The following EXOC4 variants were observed in gnomAD, a reference collection of about 807,000 sequenced individuals.
EXOC4 encodes exocyst complex component 4.
A neutral mutation model predicts 107.2 loss-of-function variants in EXOC4; 71 were observed. The ratio of observed to expected loss-of-function variants is 0.66; its 90% CI spans 0.55 to 0.81. The LOEUF is 0.81. Ranked by LOEUF, EXOC4 falls within the 30% of genes least tolerant of loss-of-function variation. The pLI is 0.00. For synonymous variants in EXOC4, 456 were observed against 441.2 expected (o/e 1.03, Z -0.42); for missense variants, 1,108 against 1,189.6 (o/e 0.93, Z 1.01).
At chr7:133,285,455 A>G (rs1794253521) in intron 2 of EXOC4, among the ~76,000 whole-genome samples, 1 of 152,210 alleles carries the variant, frequency 6.6e-6, no homozygotes. Flanking sequence ...TCTTCTGGGA[A>G]ATACTTATCT....
At chr7:133,714,007 C>T (rs768471643) in intron 10 of EXOC4, among the ~76,000 whole-genome samples, 38 of 152,124 alleles carry the variant, frequency 2.5e-4, no homozygotes, top group Admixed American at 1.5e-3. Flanking sequence ...AGAAATATGG[C>T]GGGGAATTTG....
At chr7:133,619,033 G>C (rs1349334362) in intron 9 of EXOC4, among the ~76,000 whole-genome samples, 2 of 152,150 alleles carry the variant, frequency 1.3e-5, no homozygotes, top group African/African-American at 4.8e-5. Flanking sequence ...TGTTTGGAAA[G>C]TTGACTGTTG....
intron 11 of EXOC4, among the ~76,000 whole-genome samples, chr7:133,819,801 A>G (rs1177918365): frequency 6.6e-6 from 1 of 152,096 alleles, no homozygotes; most frequent in East Asian, 1.9e-4. Context: ...AACCAATAAT[A>G]CTGGCTTATT....
At chr7:133,493,687 A>G (rs1310951663) in intron 9 of EXOC4, among the ~76,000 whole-genome samples, 8 of 152,056 alleles carry the variant, frequency 5.3e-5, no homozygotes, top group African/African-American at 1.9e-4. Flanking sequence ...CTTCTCTGAC[A>G]GAAGTCTTTC....
At chr7:133,326,147 A>T (rs368156142) in intron 5 of EXOC4, among the ~76,000 whole-genome samples, 2 of 152,096 alleles carry the variant, frequency 1.3e-5, no homozygotes, top group Admixed American at 1.3e-4. Context: ...CTTCTTTGCA[A>T]TGGGTTCGAA....
chr7:133,553,567 C>T (rs568063763), intron 9 of EXOC4, among the ~76,000 whole-genome samples: 9 of 152,232 alleles, frequency 5.9e-5, no homozygotes, highest in South Asian at 2.1e-4. Flanking sequence ...AATCCTTTCT[C>T]CCTTCTAACC....
chr7:133,578,018 A>G (rs1410077747), intron 9 of EXOC4, among the ~76,000 whole-genome samples: 1 of 152,226 alleles, frequency 6.6e-6, no homozygotes, highest in Non-Finnish European at 1.5e-5. Context: ...AGAATAGCAT[A>G]GGGATTCTTT....
At chr7:134,017,359 G>T (rs1368590674) in intron 17 of EXOC4, among the ~76,000 whole-genome samples, 1 of 152,034 alleles carries the variant, frequency 6.6e-6, no homozygotes, top group Non-Finnish European at 1.5e-5. Context: ...GATTTTCCTA[G>T]GGGCCAGAGT....
intron 6 of EXOC4, among the ~76,000 whole-genome samples, chr7:133,362,976 C>T (rs1396276634): frequency 6.6e-6 from 1 of 152,278 alleles, no homozygotes; most frequent in East Asian, 1.9e-4. Flanking sequence ...TAGCCATTCC[C>T]AGGCACCGCA....
chr7:133,854,443 CACACACAT>C (rs1258647211), intron 11 of EXOC4, among the ~76,000 whole-genome samples: 18 of 151,664 alleles, frequency 1.2e-4, no homozygotes, highest in African/African-American at 4.1e-4. Flanking sequence ...CACACACACA[CACACACAT>C]ACATTTTAAT....
intron 11 of EXOC4, among the ~76,000 whole-genome samples, chr7:133,860,946 A>T (rs1798521123): frequency 6.6e-6 from 1 of 152,134 alleles, no homozygotes; most frequent in Middle Eastern, 3.2e-3. Context: ...TCACATTCTG[A>T]GAGAATTCTT....
intron 6 of EXOC4, among the ~76,000 whole-genome samples, chr7:133,368,929 TG>T (rs1796304168): frequency 6.6e-6 from 1 of 152,234 alleles, no homozygotes. Context: ...CCTGCTCTTT[TG>T]TCTTTTTTAG....
intron 14 of EXOC4, among the ~76,000 whole-genome samples, chr7:133,948,005 A>G (rs938847501): frequency 6.6e-6 from 1 of 152,224 alleles, no homozygotes; most frequent in African/African-American, 2.4e-5. Context: ...AAAGCCAGAC[A>G]GAGAAGATGG....
intron 14 of EXOC4, among the ~76,000 whole-genome samples, chr7:133,940,604 C>T (rs1246758219): frequency 1.3e-5 from 2 of 152,154 alleles, no homozygotes; most frequent in Admixed American, 1.3e-4. Flanking sequence ...CTGGTTTATC[C>T]TACTAACAGC....
chr7:133,751,723 C>T (rs1795796755), intron 10 of EXOC4, among the ~76,000 whole-genome samples: 1 of 152,084 alleles, frequency 6.6e-6, no homozygotes, highest in African/African-American at 2.4e-5. Context: ...AACTGTGAAA[C>T]AGTTACATCT....
chr7:134,044,263 G>T (rs564054229), intron 17 of EXOC4, among the ~76,000 whole-genome samples: 1 of 152,232 alleles, frequency 6.6e-6, no homozygotes, highest in African/African-American at 2.4e-5. Context: ...GCCACATCCC[G>T]CTCACTGACA....
intron 13 of EXOC4, among the ~76,000 whole-genome samples, chr7:133,929,001 C>T (rs1800115569): frequency 7.5e-6 from 1 of 134,198 alleles, no homozygotes; most frequent in Non-Finnish European, 1.5e-5. Flanking sequence ...GGCACCATCT[C>T]GGCTCACTGC....
intron 6 of EXOC4, among the ~76,000 whole-genome samples, chr7:133,358,267 G>C (rs950407516): frequency 2.0e-5 from 3 of 152,124 alleles, no homozygotes; most frequent in African/African-American, 7.2e-5. Context: ...ATGGGTTTTG[G>C]AGAACAGACC....
chr7:133,473,522 AC>A (rs1798932417), intron 7 of EXOC4, among the ~76,000 whole-genome samples: 2 of 151,678 alleles, frequency 1.3e-5, no homozygotes, highest in African/African-American at 4.8e-5. Context: ...TTTATTAATG[AC>A]CTTTTTTGTC....
Sources: allele counts gnomAD v4.1 joint callset (sites outside exome capture counted in the v4.1 genomes callset), GRCh38; gene constraint gnomAD v4.1.1; transcripts MANE v1.5; gene names NCBI Gene and HGNC (gene_info 2026-07-23, HGNC 2026-07-21).